CEP57: variants seen among roughly 807,000 people sequenced by gnomAD.
CEP57 encodes the protein centrosomal protein of 57 kDa.
CEP57 carries 40 observed loss-of-function variants against 68.0 expected under a neutral mutation model. The ratio of observed to expected loss-of-function variants is 0.59; its 90% CI spans 0.46 to 0.77. The LOEUF (loss-of-function observed/expected upper bound fraction) is 0.77, where lower values mean the gene tolerates loss of function less well. Among genes scored for constraint, CEP57 ranks in the 30% least tolerant of loss-of-function variants. The pLI, the probability that CEP57 is intolerant of heterozygous loss-of-function variation, is 0.00. For synonymous variants in CEP57, 219 were observed against 198.7 expected (o/e 1.10, Z -0.86); for missense variants, 606 against 580.7 (o/e 1.04, Z -0.45).
chr11:95,814,256 C>G (rs1221906907), intron 4 of CEP57, among the ~76,000 whole-genome samples: 2 of 151,670 alleles, frequency 1.3e-5, no homozygotes, highest in Admixed American at 1.3e-4. Flanking sequence ...ATAGATGTGG[C>G]CAGGCTGGTC....
chr11:95,802,989 C>T (rs1202567914), intron 2 of CEP57, among the ~76,000 whole-genome samples: 1 of 152,200 alleles, frequency 6.6e-6, no homozygotes, highest in Non-Finnish European at 1.5e-5. Context: ...AGGCCAAAGA[C>T]AGTCTTCACG....
chr11:95,802,229 T>A (rs373373755), intron 2 of CEP57, among the ~76,000 whole-genome samples: 1 of 151,604 alleles, frequency 6.6e-6, no homozygotes, highest in Non-Finnish European at 1.5e-5. Flanking sequence ...GAGTACAGCA[T>A]GTGAAAGGTT....
chr11:95,814,514 C>G (rs1862217774), intron 4 of CEP57, among the ~76,000 whole-genome samples: 1 of 152,136 alleles, frequency 6.6e-6, no homozygotes, highest in South Asian at 2.1e-4. Flanking sequence ...GCATGTGCCA[C>G]CACACCCGGC....
chr11:95,814,947 A>G (rs1330024202), intron 4 of CEP57, among the ~76,000 whole-genome samples: 1 of 152,222 alleles, frequency 6.6e-6, no homozygotes, highest in Non-Finnish European at 1.5e-5. Context: ...AATCTCATAT[A>G]CTATAAATTA....
At position 95,818,858 on chromosome 11, in the gene CEP57, A is replaced by G. The variant is rs1371370698; in HGVS notation, c.653A>G (p.His218Arg). Residue 218 changes from histidine to arginine, a missense_variant, in exon 6 of 11, where the codon CAT becomes CGT. His to Arg is a conservative substitution (Grantham distance 29). Coordinates refer to ENST00000325542, the MANE Select transcript of CEP57 (RefSeq NM_014679.5). ...KKMQELEAKLHEEEQERKRMQ... is the reference protein window; with the variant it reads ...KKMQELEAKLREEEQERKRMQ... ...ATGCAAGAGTTGGAAGCAAAACTCC[A>G]TGAAGAAGAACAGGAAAGGAAACGC... is the stretch of plus-strand genomic sequence containing the variant. The G allele has an allele frequency of 6.2e-7, 1 of 1,614,084 alleles. No homozygotes were observed. Among genetic ancestry groups the G allele is most frequent in the Admixed American group, 1.7e-5 (1 of 60,028 alleles).
chr11:95,820,261 T>A (rs752500749), intron 6 of CEP57, among the ~76,000 whole-genome samples: 2 of 152,170 alleles, frequency 1.3e-5, no homozygotes, highest in Non-Finnish European at 2.9e-5. Flanking sequence ...AATATTATTG[T>A]ACTGAAAGAA....
chr11:95,814,301 G>C (rs1862205377), intron 4 of CEP57, among the ~76,000 whole-genome samples: 1 of 151,616 alleles, frequency 6.6e-6, no homozygotes, highest in Non-Finnish European at 1.5e-5. Flanking sequence ...AGGCCGCCTC[G>C]GCCTCCCAAA....
chr11:95,793,604 A>G (rs1861203442), intron 1 of CEP57, among the ~76,000 whole-genome samples: 1 of 152,170 alleles, frequency 6.6e-6, no homozygotes, highest in South Asian at 2.1e-4. Flanking sequence ...TTTTAAGATT[A>G]TAATGTATGG....
intron 5 of CEP57, 33 bp from the exon 6 acceptor site, chr11:95,818,794 C>T (rs944886989): frequency 6.4e-7 from 1 of 1,552,838 alleles, no homozygotes. Context: ...TAAGATTTTT[C>T]ACCTTTATCC....
rs1389875970 is a variant in CEP57 at position 95,829,298 on chromosome 11, C to G, written c.1239C>G (p.Asn413Lys). 1.2e-6 allele frequency: 2 copies of G among 1,613,752 alleles called. No individual in the cohort carries two copies. The highest frequency in any genetic ancestry group is 1.7e-6 in the Non-Finnish European group (2 of 1,179,952). Residue 413 changes from asparagine (N) to lysine (K), a missense_variant, in exon 10 of 11, where the codon AAC (asparagine) becomes AAG (lysine). Transcript: ENST00000325542. ...ALVGRMEAKA[N>K]QITKVRKYQA... is the part of the protein sequence containing the mutation. Reference sequence around the variant, plus strand: ...TGGGAAGGATGGAAGCAAAAGCCAACCAAATAACTAAAGTTCGAAAATACC... The same window carrying G: ...TGGGAAGGATGGAAGCAAAAGCCAAGCAAATAACTAAAGTTCGAAAATACC...
At position 95,790,724 on chromosome 11, in the gene CEP57, C is replaced by T. The variant is rs1171650821; in HGVS notation, c.26C>T (p.Ala9Val). MAAASVSAASGSHLSNSFA... is the reference protein window; with the variant it reads MAAASVSAVSGSHLSNSFA... ...ATGGCGGCGGCGTCTGTCTCTGCGGCTTCTGGTTCTCACTTGTCGGTAAGA... is the reference window on the plus strand; with the variant it reads ...ATGGCGGCGGCGTCTGTCTCTGCGGTTTCTGGTTCTCACTTGTCGGTAAGA... Residue 9 changes from alanine (A) to valine (V), a missense_variant, in exon 1 of 11, where the codon GCT becomes GTT. Ala to Val is a moderately conservative substitution (Grantham distance 64). Transcript: ENST00000325542. 7 of 1,614,012 alleles carry T rather than the reference C, an allele frequency of 4.3e-6. No individual in the cohort carries two copies. Among genetic ancestry groups the T allele is most frequent in the African/African-American group, 1.3e-5 (1 of 74,960 alleles).
At chr11:95,797,176 A>G (rs1861386925) in intron 1 of CEP57, among the ~76,000 whole-genome samples, 1 of 63,090 alleles carries the variant, frequency 1.6e-5, no homozygotes, top group Non-Finnish European at 2.9e-5. Context: ...CTCCCAACAC[A>G]CACACACACA....
chr11:95,822,907 T>C, intron 8 of CEP57: 1 of 326,384 alleles, frequency 3.1e-6, no homozygotes, highest in Admixed American at 4.2e-5. Context: ...GTATCAATCC[T>C]GTTGAGTTAC....
Position 95,813,572 on chromosome 11 carries a change from T to G in CEP57, c.487T>G (p.Ser163Ala). ...MIKHAEMERT[S>A]VLEKQVSLER... Reference sequence around the variant, plus strand: ...AAAGCATGCCGAAATGGAGAGGACATCTGTCTTAGAGAAACAAGTAAGTAA... The same window carrying G: ...AAAGCATGCCGAAATGGAGAGGACAGCTGTCTTAGAGAAACAAGTAAGTAA... The change falls in exon 4 of 11, where the codon TCT becomes GCT. Residue 163 changes from serine to alanine, a missense_variant. Physicochemically the swap from Ser to Ala is moderately conservative, Grantham distance 99. Coordinates refer to ENST00000325542, the MANE Select transcript of CEP57 (RefSeq NM_014679.5). 6.2e-7 allele frequency: 1 copy of G among 1,613,082 alleles called. No homozygotes were observed.
rs192013929 is a variant in CEP57 at position 95,808,850 on chromosome 11, G to A, written c.203-4082G>A. 1.7e-3 allele frequency among the ~76,000 whole-genome samples: 265 copies of A among 152,222 alleles called. 4 individuals are homozygous for A. Among genetic ancestry groups the A allele is most frequent in the African/African-American group, 5.9e-3 (245 of 41,534 alleles). On this transcript the variant is annotated intron_variant, in intron 2 of 10. Coordinates refer to ENST00000325542, the MANE Select transcript of CEP57 (RefSeq NM_014679.5). ...AATTGAACTTGGTTCTGCACCGAGC[G>A]AACCTAATAGACATCTACAGAACTC...
At chr11:95,807,212 A>C (rs186694468) in intron 2 of CEP57, among the ~76,000 whole-genome samples, 291 of 152,336 alleles carry the variant, frequency 1.9e-3, no homozygotes, top group African/African-American at 6.6e-3. Flanking sequence ...CCCCATCTGC[A>C]TGTCACCATC....
At chr11:95,799,598 T>A (rs1056714614) in intron 2 of CEP57, among the ~76,000 whole-genome samples, 2 of 152,208 alleles carry the variant, frequency 1.3e-5, no homozygotes, top group Admixed American at 6.5e-5. Flanking sequence ...TAAAACACTT[T>A]GAGTCATCAG....
At chr11:95,792,252 G>A (rs1309969568) in intron 1 of CEP57, among the ~76,000 whole-genome samples, 1 of 152,218 alleles carries the variant, frequency 6.6e-6, no homozygotes, top group Non-Finnish European at 1.5e-5. Context: ...TTTTATAGGA[G>A]ATGTGATTAA....
intron 9 of CEP57, 119 bp downstream of exon 9, chr11:95,828,146 C>T: frequency 8.6e-7 from 1 of 1,161,244 alleles, no homozygotes. Context: ...GAGCACAATC[C>T]TTATACCAAC....
Sources: gnomAD v4.1 joint callset for allele counts (sites outside exome capture counted in the v4.1 genomes callset) on GRCh38, gnomAD v4.1.1 for gene constraint, MANE v1.5 for transcripts, NCBI Gene and HGNC (gene_info 2026-07-23, HGNC 2026-07-21) for gene names.